CPVL: variants seen among roughly 807,000 people sequenced by gnomAD.
The protein encoded by CPVL is probable serine carboxypeptidase CPVL.
Under a neutral mutation model 63.7 loss-of-function variants are expected in CPVL, and 51 were observed. The observed-to-expected ratio is 0.80, with a 90% CI of 0.64 to 1.01. The LOEUF is 1.01. CPVL is among the 50% of genes least tolerant of loss of function. The pLI is 0.00. For missense variants in CPVL, 530 were observed against 573.1 expected (o/e 0.92, Z 0.77); for synonymous variants, 195 against 206.0 (o/e 0.95, Z 0.46).
chr7:29,173,244 G>T (rs2128728295), intron 5 of CPVL, among the ~76,000 whole-genome samples: 1 of 152,172 alleles, frequency 6.6e-6, no homozygotes, highest in South Asian at 2.1e-4. Context: ...AAGCTAAGCA[G>T]GAACCCAGAG....
intron 12 of CPVL, among the ~76,000 whole-genome samples, chr7:28,997,023 C>A (rs896957262): frequency 3.9e-5 from 6 of 152,226 alleles, no homozygotes; most frequent in African/African-American, 1.4e-4. Flanking sequence ...CCTAAAACAT[C>A]TCTAATGATG....
chr7:28,997,665 G>A (rs1174645207), intron 12 of CPVL, among the ~76,000 whole-genome samples: 1 of 150,342 alleles, frequency 6.7e-6, no homozygotes, highest in African/African-American at 2.4e-5. Context: ...CTAGAACCCT[G>A]ACTTCTGATG....
At chr7:29,079,765 T>C (rs1784524510) in intron 7 of CPVL, among the ~76,000 whole-genome samples, 1 of 152,214 alleles carries the variant, frequency 6.6e-6, no homozygotes, top group African/African-American at 2.4e-5. Flanking sequence ...CACCCCACCT[T>C]GGTTGCCACC....
At chr7:29,053,006 T>C (rs1039888639) in intron 11 of CPVL, among the ~76,000 whole-genome samples, 1 of 152,200 alleles carries the variant, frequency 6.6e-6, no homozygotes, top group African/African-American at 2.4e-5. Flanking sequence ...AGTATTTGGA[T>C]ACACATTTCT....
chr7:29,159,598 A>C (rs373897705), intron 5 of CPVL, among the ~76,000 whole-genome samples: 3 of 152,190 alleles, frequency 2.0e-5, no homozygotes, highest in African/African-American at 7.2e-5. Context: ...TTCCCACACA[A>C]GTCTTATGCC....
intron 6 of CPVL, among the ~76,000 whole-genome samples, chr7:29,089,982 C>T (rs924993879): frequency 1.3e-5 from 2 of 152,114 alleles, no homozygotes; most frequent in African/African-American, 2.4e-5. Flanking sequence ...CCTGCCTCAG[C>T]CTCCCAAGTA....
At position 29,031,490 on chromosome 7, in the gene CPVL, A is replaced by C. The variant is rs75684443; in HGVS notation, c.1138-731T>G. Among the ~76,000 whole-genome samples, 1,364 of 152,308 alleles carry C rather than the reference A, an allele frequency of 9.0e-3. 21 individuals carry two copies. The highest frequency in any genetic ancestry group is 0.03 in the African/African-American group (1,254 of 41,554). ...AGCAATTTTCAATTTGCTTGAAAAA[A>C]TAATTCAGATAATTCCCAATTCTGA... On this transcript the variant is annotated intron_variant, in intron 11 of 12. Transcript: ENST00000265394.
chr7:29,015,771 A>T (rs1583990817), intron 12 of CPVL, among the ~76,000 whole-genome samples: 1 of 152,116 alleles, frequency 6.6e-6, no homozygotes, highest in East Asian at 1.9e-4. Context: ...AGGTACTTAA[A>T]GACACTGTGG....
At chr7:29,068,631 GCC>G (rs1025903419) in intron 9 of CPVL, among the ~76,000 whole-genome samples, 48 of 151,546 alleles carry the variant, frequency 3.2e-4, no homozygotes, top group African/African-American at 1.1e-3. Flanking sequence ...GCATCTGCCT[GCC>G]CCGTCCTGAA....
chr7:29,075,173 T>C (rs1455548405), intron 7 of CPVL, among the ~76,000 whole-genome samples: 2 of 152,108 alleles, frequency 1.3e-5, no homozygotes, highest in African/African-American at 4.8e-5. Flanking sequence ...GCTAGGTAGG[T>C]AGTCATGACA....
At chr7:29,191,049 C>T (rs1782827949) in intron 1 of CPVL, among the ~76,000 whole-genome samples, 1 of 152,082 alleles carries the variant, frequency 6.6e-6, no homozygotes, top group Non-Finnish European at 1.5e-5. Flanking sequence ...ATTCTCCCCC[C>T]TCAGCCTCCC....
At chr7:29,028,587 ATCC>A in intron 12 of CPVL, among the ~76,000 whole-genome samples, 1 of 152,300 alleles carries the variant, frequency 6.6e-6, no homozygotes, top group African/African-American at 2.4e-5. Flanking sequence ...TCTGCCAACT[ATCC>A]ATCTGACCAA....
chr7:29,021,289 T>C (rs1191743081), intron 12 of CPVL, among the ~76,000 whole-genome samples: 1 of 151,816 alleles, frequency 6.6e-6, no homozygotes, highest in Non-Finnish European at 1.5e-5. Context: ...ACAGAAAAGG[T>C]AAGTAATCCC....
At chr7:29,134,977 C>A (rs1008413629) in intron 1 of CPVL, among the ~76,000 whole-genome samples, 1 of 151,898 alleles carries the variant, frequency 6.6e-6, no homozygotes, top group Non-Finnish European at 1.5e-5. Context: ...GTGGCACACA[C>A]CTGTGATCCC....
chr7:29,082,176 G>C lies in CPVL; in HGVS notation c.609+4308C>G, dbSNP rs368449228. 4 of 149,224 alleles carry C rather than the reference G, an allele frequency of 2.7e-5. No homozygotes were observed. In the South Asian group the frequency reaches 8.3e-4, roughly 31 times the overall value. The allele number at this position is 149,224 out of a possible 1,614,324, so 9.2% of individuals were successfully genotyped here. On this transcript the variant is annotated intron_variant, in intron 7 of 12. Coordinates refer to ENST00000265394, the MANE Select transcript of CPVL (RefSeq NM_031311.5). The stretch of plus-strand genomic sequence containing the variant: ...TTTTTTTTTGTGTGGTGGCAGCAGC[G>C]AGAGGGAAAATGGGTAGGTATTACG...
At chr7:29,128,088 C>A (rs1239413157) in intron 1 of CPVL, 7 of 150,728 alleles carry the variant, frequency 4.6e-5, no homozygotes, top group Non-Finnish European at 7.4e-5. Context: ...TGGCAGCCAA[C>A]ATGGGGTGGC....
chr7:29,163,659 TAACA>T (rs1177446947), intron 5 of CPVL, among the ~76,000 whole-genome samples: 2 of 152,184 alleles, frequency 1.3e-5, no homozygotes, highest in Non-Finnish European at 2.9e-5. Context: ...CATCACAAGA[TAACA>T]AACATTCTCA....
intron 6 of CPVL, among the ~76,000 whole-genome samples, chr7:29,091,917 G>C (rs1785847626): frequency 6.6e-6 from 1 of 152,122 alleles, no homozygotes; most frequent in South Asian, 2.1e-4. Context: ...GTGGAGGTGT[G>C]GGGTAGGGAG....
At chr7:29,113,415 TG>T (rs1228572007) in intron 2 of CPVL, among the ~76,000 whole-genome samples, 1 of 151,940 alleles carries the variant, frequency 6.6e-6, no homozygotes, top group African/African-American at 2.4e-5. Context: ...AGTGACCTCA[TG>T]GCTACTCAGG....
Sources: allele counts gnomAD v4.1 joint callset (sites outside exome capture counted in the v4.1 genomes callset), GRCh38; gene constraint gnomAD v4.1.1; transcripts MANE v1.5; gene names NCBI Gene and HGNC (gene_info 2026-07-23, HGNC 2026-07-21).